The following STK39 variants were observed in gnomAD, a reference collection of about 807,000 sequenced individuals.
STK39 encodes the protein STE20/SPS1-related proline-alanine-rich protein kinase.
Under a neutral mutation model 77.8 loss-of-function variants are expected in STK39, and 20 were observed. The ratio of observed to expected loss-of-function variants is 0.26; its 90% CI spans 0.18 to 0.37. STK39 has a LOEUF of 0.37. Among genes scored for constraint, STK39 ranks in the 10% least tolerant of loss-of-function variants. STK39 has a pLI of 1.00. For missense variants in STK39, 479 were observed against 656.5 expected (o/e 0.73, Z 2.95); for synonymous variants, 246 against 234.1 (o/e 1.05, Z -0.47).
chr2:167,956,688 ACACACACACTCTCT>A (rs1308152442), intron 17 of STK39, among the ~76,000 whole-genome samples: 76 of 46,222 alleles, frequency 1.6e-3, no homozygotes, highest in Admixed American at 3.0e-3. Context: ...ACACACACAC[ACACACACACTCTCT>A]CTCTCTCTCT....
chr2:168,037,260 A>G (rs754862126), intron 14 of STK39, among the ~76,000 whole-genome samples: 4 of 152,336 alleles, frequency 2.6e-5, no homozygotes, highest in East Asian at 1.9e-4. Flanking sequence ...TAATCTACCA[A>G]TTTAAATTAG....
intron 10 of STK39, among the ~76,000 whole-genome samples, chr2:168,123,305 T>A (rs568551939): frequency 6.6e-6 from 1 of 152,346 alleles, no homozygotes; most frequent in South Asian, 2.1e-4. Context: ...ATGGGAAAAT[T>A]GGCAAATGTA....
intron 1 of STK39, among the ~76,000 whole-genome samples, chr2:168,205,262 T>C (rs936816203): frequency 1.4e-4 from 22 of 152,204 alleles, no homozygotes; most frequent in African/African-American, 5.3e-4. Context: ...TAAAACCAGT[T>C]ATAAAACATT....
chr2:168,211,996 T>C (rs4531902), intron 1 of STK39, among the ~76,000 whole-genome samples: 24,068 of 152,218 alleles, frequency 0.16, 2,266 homozygotes, highest in African/African-American at 0.25. Context: ...TTATTCGTTT[T>C]AGTTCCACAG....
At chr2:168,127,403 C>T (rs1413209698) in intron 10 of STK39, among the ~76,000 whole-genome samples, 1 of 152,176 alleles carries the variant, frequency 6.6e-6, no homozygotes, top group Non-Finnish European at 1.5e-5. Context: ...CCTGCCTCGG[C>T]CTCCCAAAGT....
chr2:167,964,968 T>C (rs992225913), intron 16 of STK39, among the ~76,000 whole-genome samples: 25 of 152,238 alleles, frequency 1.6e-4, no homozygotes, highest in African/African-American at 6.0e-4. Flanking sequence ...ATGTCAACTC[T>C]GCATTTCATA....
rs374816836 is a variant in STK39, at chr2:168,105,509, T to C, written c.1089+24032A>G. On this transcript the variant is annotated intron_variant, in intron 10 of 17. Transcript: ENST00000355999. The stretch of plus-strand genomic sequence containing the variant: ...ACAGTGTGATGTTATCTAATTGGCA[T>C]AGGAAGAAAGGGCCTTGTGAAAGGG... Among the ~76,000 whole-genome samples the C allele has an allele frequency of 7.2e-5, 11 of 152,284 alleles. No individual in the cohort carries two copies. The East Asian group carries it at 9.7e-4, about 13-fold the overall frequency.
chr2:167,996,453 C>T, intron 16 of STK39, among the ~76,000 whole-genome samples: 1 of 152,200 alleles, frequency 6.6e-6, no homozygotes, highest in East Asian at 1.9e-4. Flanking sequence ...TAGAACCTAC[C>T]TGGCAGGGGC....
chr2:168,123,872 CAA>C (rs60490866), intron 10 of STK39, among the ~76,000 whole-genome samples: 1,261 of 119,706 alleles, frequency 0.011, 6 homozygotes, highest in Middle Eastern at 0.034. Context: ...GATTCCATCT[CAA>C]AAAAAAAAAA....
intron 2 of STK39, among the ~76,000 whole-genome samples, chr2:168,181,242 C>A (rs934763775): frequency 6.6e-6 from 1 of 152,090 alleles, no homozygotes; most frequent in African/African-American, 2.4e-5. Context: ...GAAAATTGGC[C>A]GGTAGAACAA....
At chr2:167,970,731 G>A (rs535184923) in intron 16 of STK39, among the ~76,000 whole-genome samples, 1 of 152,286 alleles carries the variant, frequency 6.6e-6, no homozygotes, top group Admixed American at 6.5e-5. Flanking sequence ...ACTTAGGAGT[G>A]TGCGCCTGTA....
chr2:168,234,831 A>G (rs1426846656), intron 1 of STK39, among the ~76,000 whole-genome samples: 2 of 151,012 alleles, frequency 1.3e-5, no homozygotes, highest in Non-Finnish European at 2.9e-5. Flanking sequence ...TTTTTACTCT[A>G]TTTATTTATT....
At chr2:168,092,867 G>T (rs1686561352) in intron 10 of STK39, among the ~76,000 whole-genome samples, 1 of 152,204 alleles carries the variant, frequency 6.6e-6, no homozygotes. Context: ...ACACGGAAGA[G>T]AATCAGTTCT....
At chr2:168,042,936 A>G (rs1327629773) in intron 14 of STK39, among the ~76,000 whole-genome samples, 2 of 152,148 alleles carry the variant, frequency 1.3e-5, no homozygotes, top group African/African-American at 4.8e-5. Flanking sequence ...GGGGATCAGT[A>G]AACCTATCTA....
chr2:168,106,339 A>G (rs138066470), intron 10 of STK39, among the ~76,000 whole-genome samples: 334 of 152,334 alleles, frequency 2.2e-3, no homozygotes, highest in African/African-American at 7.7e-3. Flanking sequence ...CAATGAAAAG[A>G]TATTGATCAA....
At chr2:168,139,494 T>C (rs555964966) in intron 7 of STK39, among the ~76,000 whole-genome samples, 111 of 151,864 alleles carry the variant, frequency 7.3e-4, no homozygotes, top group African/African-American at 2.6e-3. Context: ...CGGATGATTG[T>C]TTTTCTTCTT....
At chr2:168,209,325 A>C (rs1255457782) in intron 1 of STK39, among the ~76,000 whole-genome samples, 2 of 152,222 alleles carry the variant, frequency 1.3e-5, no homozygotes, top group Non-Finnish European at 2.9e-5. Context: ...AAGCTCAACT[A>C]TGAAGGTAGG....
At chr2:168,220,965 G>A (rs1690153855) in intron 1 of STK39, among the ~76,000 whole-genome samples, 2 of 152,166 alleles carry the variant, frequency 1.3e-5, no homozygotes. Context: ...CTAGGAGACA[G>A]AGTCAGAAAT....
At chr2:167,992,796 C>T (rs1683734660) in intron 16 of STK39, among the ~76,000 whole-genome samples, 1 of 152,020 alleles carries the variant, frequency 6.6e-6, no homozygotes, top group Non-Finnish European at 1.5e-5. Flanking sequence ...GAAAATGGAA[C>T]AAAACAACAT....
Sources: allele counts gnomAD v4.1 joint callset (sites outside exome capture counted in the v4.1 genomes callset), GRCh38; gene constraint gnomAD v4.1.1; transcripts MANE v1.5; gene names NCBI Gene and HGNC (gene_info 2026-07-23, HGNC 2026-07-21).